The following ACMSD variants were observed in gnomAD, a reference collection of about 807,000 sequenced individuals.
The protein encoded by ACMSD is 2-amino-3-carboxymuconate-6-semialdehyde decarboxylase.
In ACMSD, 37 loss-of-function variants were observed where a neutral mutation model predicts 45.9. That is an observed-to-expected ratio of 0.81 (90% confidence interval 0.62 to 1.06). The LOEUF (loss-of-function observed/expected upper bound fraction) is 1.06, where lower values mean the gene tolerates loss of function less well. ACMSD is among the 50% of genes least tolerant of loss of function. The pLI is 0.00. For missense variants in ACMSD, 434 were observed against 420.9 expected, an observed-to-expected ratio of 1.03 and a Z score of -0.27; for synonymous variants, 138 against 148.8, an observed-to-expected ratio of 0.93 and a Z score of 0.53.
chr2:134,897,144 A>G (rs1286847747), intron 8 of ACMSD, among the ~76,000 whole-genome samples: 4 of 152,082 alleles, frequency 2.6e-5, no homozygotes, highest in African/African-American at 9.7e-5. Context: ...TATGTGAATT[A>G]TATCTCAAAA....
chr2:134,869,692 G>T (rs1688323856), intron 6 of ACMSD, among the ~76,000 whole-genome samples: 1 of 150,570 alleles, frequency 6.6e-6, no homozygotes, highest in East Asian at 2.0e-4. Flanking sequence ...TTAGAGGAAA[G>T]AGATTATAAA....
Position 134,867,637 on chromosome 2 carries a change from G to C in ACMSD, c.545G>C (p.Gly182Ala). 1 of 1,613,802 alleles carries C rather than the reference G, an allele frequency of 6.2e-7. No homozygotes were observed. Among genetic ancestry groups the C allele is most frequent in the Non-Finnish European group, 8.5e-7 (1 of 1,179,856 alleles). The change falls in exon 6 of 10, where the codon GGA becomes GCA. Residue 182 changes from glycine (G) to alanine (A), a missense_variant. Coordinates refer to ENST00000356140, the MANE Select transcript of ACMSD (RefSeq NM_138326.3). ...CATCCCTGGGACATGCAGATGGATG[G>C]ACGAATGGCCAAATACTGGCTCCCT... ...FVHPWDMQMD[G>A]RMAKYWLPWL...
chr2:134,861,821 G>A, intron 3 of ACMSD, 148 bp from the exon 4 acceptor site: 3 of 779,278 alleles, frequency 3.8e-6, no homozygotes, highest in Non-Finnish European at 6.8e-6. Context: ...GGGCTGAGGG[G>A]GGTCCAGGGA....
At chr2:134,863,716 A>C in intron 5 of ACMSD, 85 bp downstream of exon 5, 1 of 1,383,762 alleles carries the variant, frequency 7.2e-7, no homozygotes, top group East Asian at 2.3e-5. Flanking sequence ...GAGGAGGTGA[A>C]GCGTCACCCC....
intron 8 of ACMSD, among the ~76,000 whole-genome samples, chr2:134,888,213 G>A (rs182364684): frequency 7.0e-4 from 107 of 152,224 alleles, no homozygotes; most frequent in African/African-American, 2.5e-3. Flanking sequence ...TGGGCAAAAG[G>A]CTTAAATGGC....
chr2:134,850,565 GC>G (rs995134268), intron 2 of ACMSD, among the ~76,000 whole-genome samples: 23 of 152,128 alleles, frequency 1.5e-4, no homozygotes, highest in African/African-American at 4.8e-4. Context: ...AACAGGCTTG[GC>G]CAAAAAATAG....
intron 2 of ACMSD, among the ~76,000 whole-genome samples, chr2:134,852,150 G>A (rs915149048): frequency 2.0e-5 from 3 of 152,180 alleles, no homozygotes; most frequent in African/African-American, 7.2e-5. Flanking sequence ...AGTAACAGAG[G>A]TAGGCAGGGG....
rs151324307 is a variant in ACMSD at position 134,872,616 on chromosome 2, A to T, written c.824A>T (p.Lys275Met). Residue 275 changes from lysine to methionine, a missense_variant, in exon 8 of 10, where the codon AAG (lysine) becomes ATG (methionine). Coordinates refer to ENST00000356140, the MANE Select transcript of ACMSD (RefSeq NM_138326.3). ...DALVHDPLSL[K>M]LLTDVIGKDK... ...TTGGTTCATGATCCTCTGTCCCTCA[A>T]GCTGTTAACAGATGTCATAGGAAAG... The T allele has an allele frequency of 5.0e-6, 8 of 1,614,132 alleles. No individual in the cohort carries two copies. Among genetic ancestry groups the T allele is most frequent in the Non-Finnish European group, 6.8e-6 (8 of 1,180,006 alleles).
chr2:134,864,942 T>G (rs917286264), intron 5 of ACMSD, among the ~76,000 whole-genome samples: 1 of 152,340 alleles, frequency 6.6e-6, no homozygotes, highest in East Asian at 1.9e-4. Context: ...GATGCATAAT[T>G]CTTTACTCAA....
chr2:134,898,434 A>G lies in ACMSD; in HGVS notation c.943A>G (p.Thr315Ala), dbSNP rs1481970814. 1.3e-6 allele frequency: 2 copies of G among 1,591,288 alleles called. No individual in the cohort carries two copies. The highest frequency in any genetic ancestry group is 3.6e-5 in the Admixed American group (2 of 55,404). Residue 315 changes from threonine to alanine, a missense_variant, in exon 9 of 10, where the codon ACA (threonine) becomes GCA (alanine). Transcript: ENST00000356140. Reference protein sequence around the residue: ...IESMEEFDEETKNKLKAGNAL... With the variant: ...IESMEEFDEEAKNKLKAGNAL... Reference sequence around the variant, plus strand: ...GTCCATGGAAGAATTTGATGAAGAAACAAAGGTATAATGTCTTTTACTTCA... The same window carrying G: ...GTCCATGGAAGAATTTGATGAAGAAGCAAAGGTATAATGTCTTTTACTTCA...
At chr2:134,898,611 A>C (rs1393279436) in intron 9 of ACMSD, among the ~76,000 whole-genome samples, 172 bp downstream of exon 9, 1 of 152,176 alleles carries the variant, frequency 6.6e-6, no homozygotes, top group Non-Finnish European at 1.5e-5. Flanking sequence ...GGACAAAAAA[A>C]ATGACAAAGC....
At chr2:134,862,955 G>T (rs963000750) in intron 4 of ACMSD, 4 of 985,306 alleles carry the variant, frequency 4.1e-6, no homozygotes, top group Admixed American at 6.1e-5. Context: ...GCAGGGGCAG[G>T]ACAAGTCAGT....
chr2:134,839,621 T>C lies in ACMSD; in HGVS notation c.57+882T>C, dbSNP rs530607167. On this transcript the variant is annotated intron_variant, in intron 1 of 9. Transcript: ENST00000356140. ...AATTAAATGTGGTTCATTGTGCAAATAGATGAAACTATTTTCTTCTCATAG... is the reference window on the plus strand; with the variant it reads ...AATTAAATGTGGTTCATTGTGCAAACAGATGAAACTATTTTCTTCTCATAG... Among the ~76,000 whole-genome samples, 9 of 152,340 alleles carry C rather than the reference T, an allele frequency of 5.9e-5. No individual in the cohort carries two copies. The South Asian group carries it at 1.5e-3, about 25-fold the overall frequency.
chr2:134,846,415 T>A (rs550047774), intron 2 of ACMSD, among the ~76,000 whole-genome samples: 1 of 152,232 alleles, frequency 6.6e-6, no homozygotes, highest in African/African-American at 2.4e-5. Context: ...AATTATTAAT[T>A]TTTTTAAGGA....
At chr2:134,900,145 C>A (rs970976554) in intron 9 of ACMSD, among the ~76,000 whole-genome samples, 1 of 152,112 alleles carries the variant, frequency 6.6e-6, no homozygotes, top group Non-Finnish European at 1.5e-5. Flanking sequence ...GTATAGCAGT[C>A]CCCCCTTATC....
chr2:134,858,257 T>C (rs1396514603), intron 2 of ACMSD, among the ~76,000 whole-genome samples: 1 of 152,178 alleles, frequency 6.6e-6, no homozygotes, highest in Non-Finnish European at 1.5e-5. Context: ...AAGGATATTA[T>C]GTTAAGTGAA....
chr2:134,843,791 G>T (rs1001870590), intron 1 of ACMSD, among the ~76,000 whole-genome samples: 11 of 152,330 alleles, frequency 7.2e-5, no homozygotes, highest in African/African-American at 2.6e-4. Context: ...CATGCAGGAA[G>T]CGTGGAAATC....
In ACMSD at chr2:134,838,681, A is replaced by G; in HGVS notation, c.-2A>G. 6.2e-7 allele frequency: 1 copy of G among 1,606,992 alleles called. No individual in the cohort carries two copies. The highest frequency in any genetic ancestry group is 8.5e-7 in the Non-Finnish European group (1 of 1,176,502). ...CTTGCATGCTTCTCTGATCCTGTGG[A>G]GATGAAAATTGACATCCATAGTCAT... On this transcript the variant is annotated 5_prime_UTR_variant, in exon 1 of 10. Coordinates refer to ENST00000356140, the MANE Select transcript of ACMSD (RefSeq NM_138326.3).
At chr2:134,871,217 T>C (rs1044485840) in intron 7 of ACMSD, among the ~76,000 whole-genome samples, 157 bp downstream of exon 7, 2 of 152,228 alleles carry the variant, frequency 1.3e-5, no homozygotes, top group African/African-American at 4.8e-5. Context: ...GAGGGCTCTC[T>C]TCCTAGCTTG....
Sources: gnomAD v4.1 joint callset for allele counts (sites outside exome capture counted in the v4.1 genomes callset) on GRCh38, gnomAD v4.1.1 for gene constraint, MANE v1.5 for transcripts, NCBI Gene and HGNC (gene_info 2026-07-23, HGNC 2026-07-21) for gene names.